NID1: variants seen among roughly 807,000 people sequenced by gnomAD.
NID1 encodes the protein nidogen-1.
In NID1, 76 loss-of-function variants were observed where a neutral mutation model predicts 130.6. The observed-to-expected ratio is 0.58, with a 90% confidence interval of 0.48 to 0.70. The LOEUF (loss-of-function observed/expected upper bound fraction) is 0.70, where lower values mean the gene tolerates loss of function less well. Among genes scored for constraint, NID1 ranks in the 30% least tolerant of loss-of-function variants. The probability of loss-of-function intolerance (pLI) is 0.00; values close to 1 mark genes in which losing one functional copy is unlikely to be tolerated. For synonymous variants in NID1, 665 were observed against 675.1 expected, an observed-to-expected ratio of 0.98 and a Z score of 0.23; for missense variants, 1,517 against 1,664.8, an observed-to-expected ratio of 0.91 and a Z score of 1.54.
chr1:236,050,300 T>A (rs928128948), intron 1 of NID1, among the ~76,000 whole-genome samples: 10 of 152,152 alleles, frequency 6.6e-5, no homozygotes, highest in Non-Finnish European at 1.5e-4. Flanking sequence ...ACGCCTGTAA[T>A]CCCAGCATTT....
chr1:236,002,065 G>C (rs529633423), intron 12 of NID1, among the ~76,000 whole-genome samples: 2 of 152,340 alleles, frequency 1.3e-5, no homozygotes, highest in Non-Finnish European at 2.9e-5. Flanking sequence ...GAGAGTCCTT[G>C]ATTGTACAGG....
rs769819470 is a variant in NID1 at position 235,977,988 on chromosome 1, C to A, written c.3623G>T (p.Gly1208Val). 6.8e-6 allele frequency: 11 copies of A among 1,613,656 alleles called. No individual in the cohort carries two copies. The highest frequency in any genetic ancestry group is 2.5e-6 in the Non-Finnish European group (3 of 1,179,864). ...ATTGTTCACTGAGCAGTAGTTATGG[C>A]CTGGAAAAGGCAGAAATCAGTTCAA... is the stretch of plus-strand genomic sequence containing the variant. ...ITTALSQCPQ[G>V]HNYCSVNNGG... is the part of the protein sequence containing the mutation. Residue 1208 changes from glycine (G) to valine (V), a missense_variant and splice_region_variant, in exon 20 of 20, where the codon GGC becomes GTC. Gly to Val is a moderately radical substitution (Grantham distance 109). This residue lies in a region of NID1 where 181 missense variants were observed against 211.3 expected (regional missense o/e 0.86). Transcript: ENST00000264187.
chr1:236,051,280 CCCT>C lies in NID1; in HGVS notation c.226-2294_226-2292del, dbSNP rs1322542856. Reference sequence around the variant, plus strand: ...CTCCCCCTGCCCCTCCCCCTCCCCTCCCTCCTCCTCCTCCCAGAGTCTTATCCC... The same window carrying C: ...CTCCCCCTGCCCCTCCCCCTCCCCTCCCTCCTCCTCCCAGAGTCTTATCCC... On this transcript the variant is annotated intron_variant, in intron 1 of 19. Transcript: ENST00000264187. Among the ~76,000 whole-genome samples the C allele has an allele frequency of 2.0e-5, 3 of 149,528 alleles. No individual in the cohort carries two copies. In the East Asian group the frequency reaches 5.9e-4, roughly 30 times the overall value.
chr1:236,063,894 C>A (rs1660114378), intron 1 of NID1, among the ~76,000 whole-genome samples: 1 of 152,220 alleles, frequency 6.6e-6, no homozygotes, highest in Admixed American at 6.5e-5. Flanking sequence ...CTTTGTGGAT[C>A]CAGACTTGAA....
intron 14 of NID1, among the ~76,000 whole-genome samples, chr1:235,989,336 T>C (rs1038274977): frequency 6.6e-6 from 1 of 152,242 alleles, no homozygotes; most frequent in Non-Finnish European, 1.5e-5. Flanking sequence ...TGGGAAAGAA[T>C]GTCTTTCACA....
Position 236,033,002 on chromosome 1 carries a change from T to G in NID1, c.1286-350A>C, listed in dbSNP as rs555875089. On this transcript the variant is annotated intron_variant, in intron 5 of 19. Coordinates refer to ENST00000264187, the MANE Select transcript of NID1 (RefSeq NM_002508.3). ...CCTAGAACTAAGGCGACCATAGAAT[T>G]TATCACATTTGAGAGTAAAAGGAGG... 3.0e-4 allele frequency among the ~76,000 whole-genome samples: 45 copies of G among 152,194 alleles called. 1 individual carries two copies. In the South Asian group the frequency reaches 9.3e-3, roughly 32 times the overall value.
chr1:236,045,569 G>T lies in NID1; in HGVS notation c.640C>A (p.Gln214Lys), dbSNP rs761055937. 1.9e-6 allele frequency: 3 copies of T among 1,613,980 alleles called. No individual in the cohort carries two copies. The African/African-American group carries it at 4.0e-5, about 22-fold the overall frequency. ...CTGAATGCAACCACGGCAGGAACTTGGTTGTTTTCCTTCTTTGAGAATGTC... is the reference window on the plus strand; with the variant it reads ...CTGAATGCAACCACGGCAGGAACTTTGTTGTTTTCCTTCTTTGAGAATGTC... ...HTTFSKKENN[Q>K]VPAVVAFSQG... is the part of the protein sequence containing the mutation. Residue 214 changes from glutamine (Q) to lysine (K), a missense_variant, in exon 3 of 20, where the codon CAA becomes AAA. Physicochemically the swap from Gln to Lys is moderately conservative, Grantham distance 53. Coordinates refer to ENST00000264187, the MANE Select transcript of NID1 (RefSeq NM_002508.3).
chr1:236,060,289 CT>C (rs931952227), intron 1 of NID1, among the ~76,000 whole-genome samples: 14 of 152,010 alleles, frequency 9.2e-5, no homozygotes, highest in African/African-American at 3.4e-4. Context: ...TGTCATGGTG[CT>C]GGTGAGAGTG....
At chr1:236,024,503 T>C (rs955436853) in intron 8 of NID1, among the ~76,000 whole-genome samples, 1 of 152,244 alleles carries the variant, frequency 6.6e-6, no homozygotes, top group African/African-American at 2.4e-5. Flanking sequence ...TGATAGAGAC[T>C]GTATAGCCAG....
At chr1:236,060,694 T>C (rs369023402) in intron 1 of NID1, 5 of 151,490 alleles carry the variant, frequency 3.3e-5, no homozygotes, top group African/African-American at 1.2e-4. Context: ...CCGATGGTAG[T>C]GGGTTATCTG....
At chr1:236,055,032 C>A (rs761706607) in intron 1 of NID1, among the ~76,000 whole-genome samples, 11 of 151,134 alleles carry the variant, frequency 7.3e-5, no homozygotes, top group Non-Finnish European at 1.6e-4. Flanking sequence ...GGGCCGCGTG[C>A]GGTGGCTCAC....
chr1:236,002,607 T>TA, intron 12 of NID1, among the ~76,000 whole-genome samples: 1 of 152,324 alleles, frequency 6.6e-6, no homozygotes, highest in Admixed American at 6.5e-5. Context: ...TGAACGGACT[T>TA]AAGACAAGAG....
intron 10 of NID1, among the ~76,000 whole-genome samples, chr1:236,015,570 C>T (rs2102818816): frequency 6.8e-6 from 1 of 148,080 alleles, no homozygotes; most frequent in African/African-American, 2.5e-5. Context: ...TCTCTTGAAC[C>T]CAGGAGGCAG....
At chr1:236,014,212 C>A (rs1046652737) in intron 10 of NID1, among the ~76,000 whole-genome samples, 2 of 81,010 alleles carry the variant, frequency 2.5e-5, no homozygotes, top group African/African-American at 7.3e-5. Context: ...CTTCCCCCCA[C>A]CCCCTCAACT....
chr1:235,985,621 G>T, intron 14 of NID1, 116 bp from the exon 15 acceptor site: 5 of 1,249,724 alleles, frequency 4.0e-6, no homozygotes, highest in Non-Finnish European at 5.5e-6. Context: ...CAAGTGTTTT[G>T]TTCATTTAAA....
At chr1:236,025,768 C>T (rs1385260182) in intron 8 of NID1, 128 bp downstream of exon 8, 2 of 1,295,938 alleles carry the variant, frequency 1.5e-6, no homozygotes, top group Non-Finnish European at 2.1e-6. Flanking sequence ...TTCTTTTTTT[C>T]CTGCCAGAAG....
intron 4 of NID1, among the ~76,000 whole-genome samples, chr1:236,040,890 C>T (rs1203811167): frequency 6.6e-6 from 1 of 152,128 alleles, no homozygotes; most frequent in East Asian, 1.9e-4. Context: ...GTCTCCAACT[C>T]CTGACCTCAG....
chr1:236,007,623 G>A (rs1658288461), intron 12 of NID1, among the ~76,000 whole-genome samples: 1 of 152,142 alleles, frequency 6.6e-6, no homozygotes, highest in African/African-American at 2.4e-5. Flanking sequence ...GAGGGGGCCA[G>A]CTGCTAGATC....
Position 236,025,966 on chromosome 1 carries a change from C to T in NID1, c.1914G>A (p.Val638=), listed in dbSNP as rs752769255. Residue 638 remains valine (V), a synonymous_variant, in exon 8 of 20, where the codon GTG becomes GTA. Transcript: ENST00000264187. The part of the protein sequence containing the change: ...PSTQQLSVDS[V]FVLYNQEEKI... Reference sequence around the variant, plus strand: ...TCTCCTCCTGGTTGTACAGGACGAACACGCTGTCCACCGAGAGCTGCTGGG... The same window carrying T: ...TCTCCTCCTGGTTGTACAGGACGAATACGCTGTCCACCGAGAGCTGCTGGG... The T allele has an allele frequency of 1.1e-5, 17 of 1,612,522 alleles. No homozygotes were observed. The African/African-American group carries it at 1.7e-4, about 17-fold the overall frequency.
Sources: allele counts gnomAD v4.1 joint callset (sites outside exome capture counted in the v4.1 genomes callset), GRCh38; gene constraint gnomAD v4.1.1; regional missense constraint gnomAD v4.1.1; transcripts MANE v1.5; gene names NCBI Gene and HGNC (gene_info 2026-07-23, HGNC 2026-07-21).